Variants in SHANK2 observed in about 807,000 individuals in gnomAD.
SHANK2 encodes the protein SH3 and multiple ankyrin repeat domains 2, also known as SH3 and multiple ankyrin repeat domains protein 2.
Under a neutral mutation model 133.7 loss-of-function variants are expected in SHANK2, and 43 were observed. The observed-to-expected ratio is 0.32, with a 90% CI of 0.25 to 0.41. The LOEUF (loss-of-function observed/expected upper bound fraction) is 0.41, where lower values mean the gene tolerates loss of function less well. SHANK2 is among the 10% of genes least tolerant of loss of function. The pLI is 1.00. For synonymous variants in SHANK2, 1,017 were observed against 952.8 expected, an observed-to-expected ratio of 1.07 and a Z score of -1.24; for missense variants, 1,994 against 2,235.8, an observed-to-expected ratio of 0.89 and a Z score of 2.18.
chr11:70,557,172 ATT>A (rs1554979838), intron 17 of SHANK2, among the ~76,000 whole-genome samples: 1 of 151,986 alleles, frequency 6.6e-6, no homozygotes. Flanking sequence ...TCATTCATTC[ATT>A]CATTCATTCA....
chr11:70,916,535 T>C (rs1240343775), intron 10 of SHANK2, among the ~76,000 whole-genome samples: 1 of 152,184 alleles, frequency 6.6e-6, no homozygotes, highest in African/African-American at 2.4e-5. Flanking sequence ...CCCGCCACCC[T>C]TTCACACAGT....
intron 2 of SHANK2, among the ~76,000 whole-genome samples, chr11:71,199,986 T>C (rs1953986186): frequency 6.6e-6 from 1 of 152,240 alleles, no homozygotes; most frequent in African/African-American, 2.4e-5. Context: ...AGCAATTTTT[T>C]AGACAGATAA....
intron 14 of SHANK2, among the ~76,000 whole-genome samples, chr11:70,767,115 G>A (rs1157837253): frequency 2.0e-5 from 3 of 152,256 alleles, no homozygotes; most frequent in Admixed American, 6.5e-5. Flanking sequence ...GGACATGGGC[G>A]CTGGGCTTTT....
intron 3 of SHANK2, among the ~76,000 whole-genome samples, chr11:71,130,802 C>T (rs1179658084): frequency 6.6e-6 from 1 of 152,218 alleles, no homozygotes; most frequent in Admixed American, 6.5e-5. Context: ...CAGGGATATT[C>T]CCTATTCAGG....
intron 17 of SHANK2, among the ~76,000 whole-genome samples, chr11:70,546,996 C>T (rs935030475): frequency 3.9e-5 from 6 of 152,178 alleles, no homozygotes; most frequent in African/African-American, 1.4e-4. Flanking sequence ...TCAGGCCGCT[C>T]ACCTCCCACC....
At chr11:70,612,464 G>C (rs374788453) in intron 17 of SHANK2, among the ~76,000 whole-genome samples, 1 of 152,168 alleles carries the variant, frequency 6.6e-6, no homozygotes, top group East Asian at 1.9e-4. Flanking sequence ...ATATGCATGC[G>C]TGCATACATA....
intron 10 of SHANK2, among the ~76,000 whole-genome samples, chr11:70,951,447 G>A (rs1950839688): frequency 7.4e-6 from 1 of 134,440 alleles, no homozygotes; most frequent in South Asian, 2.4e-4. Flanking sequence ...CTGCTGTGTG[G>A]TGATGTCATA....
intron 2 of SHANK2, among the ~76,000 whole-genome samples, chr11:71,195,089 T>C (rs556853234): frequency 6.6e-6 from 1 of 152,322 alleles, no homozygotes; most frequent in South Asian, 2.1e-4. Context: ...TATTTATATT[T>C]AGTATTAAAA....
At chr11:70,773,849 G>C (rs1447695553) in intron 14 of SHANK2, among the ~76,000 whole-genome samples, 3 of 152,166 alleles carry the variant, frequency 2.0e-5, no homozygotes, top group African/African-American at 4.8e-5. Flanking sequence ...AAGATGATGG[G>C]GAAAACTGGA....
At chr11:70,524,225 A>T (rs114728489) in intron 17 of SHANK2, among the ~76,000 whole-genome samples, 4 of 152,014 alleles carry the variant, frequency 2.6e-5, no homozygotes, top group African/African-American at 9.7e-5. Context: ...GAGCAGTCCC[A>T]CCCCCTGGGG....
At chr11:71,086,694 G>A (rs928284574) in intron 8 of SHANK2, among the ~76,000 whole-genome samples, 6 of 151,634 alleles carry the variant, frequency 4.0e-5, no homozygotes, top group African/African-American at 7.3e-5. Context: ...CTTGAGACCC[G>A]CACTGTGGCA....
At chr11:70,648,546 A>G (rs781801248) in intron 17 of SHANK2, among the ~76,000 whole-genome samples, 3 of 152,198 alleles carry the variant, frequency 2.0e-5, no homozygotes, top group African/African-American at 7.2e-5. Flanking sequence ...AAAGCTGGCT[A>G]TCAGGCAGAT....
intron 17 of SHANK2, among the ~76,000 whole-genome samples, chr11:70,614,396 C>G (rs368153953): frequency 6.6e-6 from 1 of 151,534 alleles, no homozygotes; most frequent in Admixed American, 6.6e-5. Context: ...CTGTAACCTC[C>G]GCCTCCCAGG....
intron 3 of SHANK2, among the ~76,000 whole-genome samples, chr11:71,138,041 C>T (rs1339591155): frequency 1.3e-5 from 2 of 149,868 alleles, no homozygotes; most frequent in African/African-American, 2.5e-5. Flanking sequence ...CTGCACCAGC[C>T]GCCCAGAGCC....
chr11:70,502,194 T>C lies in SHANK2; in HGVS notation c.2278+12A>G. On this transcript the variant is annotated intron_variant, in intron 19 of 25. Transcript: ENST00000601538. ...GGTGACTGTACAGGGCTGGGCCGGG[T>C]GTGCGACTTACCGAGCTCCTCCAGC... The C allele has an allele frequency of 1.9e-6, 3 of 1,553,542 alleles. No homozygotes were observed. Among genetic ancestry groups the C allele is most frequent in the Non-Finnish European group, 2.6e-6 (3 of 1,147,970 alleles).
At chr11:70,474,325 G>A (rs184727067) in intron 25 of SHANK2, 3 of 152,404 alleles carry the variant, frequency 2.0e-5, no homozygotes, top group East Asian at 1.9e-4. Context: ...GGGCGTCCCC[G>A]AGGGTCCCCT....
intron 3 of SHANK2, among the ~76,000 whole-genome samples, chr11:71,135,915 T>C (rs10459038): frequency 0.47 from 70,694 of 151,548 alleles, 16,818 homozygotes; most frequent in East Asian, 0.63. Flanking sequence ...AAGAGGAAGA[T>C]GACAGGAAAG....
intron 1 of SHANK2, among the ~76,000 whole-genome samples, chr11:71,239,961 C>G (rs1954868356): frequency 6.6e-6 from 1 of 152,232 alleles, no homozygotes; most frequent in African/African-American, 2.4e-5. Flanking sequence ...TCCCCGGGAG[C>G]TGGGCAAACA....
chr11:70,919,748 TCTCCCCAAC>T (rs1428844619), intron 10 of SHANK2, among the ~76,000 whole-genome samples: 1 of 152,140 alleles, frequency 6.6e-6, no homozygotes, highest in Non-Finnish European at 1.5e-5. Context: ...ACCCCAGCCC[TCTCCCCAAC>T]CTCCCAGCTT....
Sources: gnomAD v4.1 joint callset for allele counts (sites outside exome capture counted in the v4.1 genomes callset) on GRCh38, gnomAD v4.1.1 for gene constraint, MANE v1.5 for transcripts, NCBI Gene and HGNC (gene_info 2026-07-23, HGNC 2026-07-21) for gene names.